The following CCDC63 variants were observed in gnomAD, a reference collection of about 807,000 sequenced individuals.
CCDC63 encodes coiled-coil domain-containing protein 63.
CCDC63 carries 54 observed loss-of-function variants against 63.6 expected under a neutral mutation model. The observed-to-expected ratio is 0.85, with a 90% CI of 0.68 to 1.07. The LOEUF (loss-of-function observed/expected upper bound fraction) is 1.07. Among genes scored for constraint, CCDC63 ranks in the 50% least tolerant of loss-of-function variants. The pLI is 0.00. For missense variants in CCDC63, 637 were observed against 689.6 expected (o/e 0.92, Z 0.86); for synonymous variants, 253 against 266.1 (o/e 0.95, Z 0.48).
At chr12:110,905,461 A>C (rs1482202402) in intron 11 of CCDC63, among the ~76,000 whole-genome samples, 1 of 152,114 alleles carries the variant, frequency 6.6e-6, no homozygotes, top group Non-Finnish European at 1.5e-5. Context: ...CAGTTTGGCC[A>C]CATATATGGG....
At chr12:110,854,484 A>G (rs940280551) in intron 3 of CCDC63, among the ~76,000 whole-genome samples, 8 of 151,956 alleles carry the variant, frequency 5.3e-5, no homozygotes, top group Admixed American at 1.3e-4. Context: ...TAGTAGAGGC[A>G]AGATTTCACC....
At chr12:110,904,929 GC>G in intron 11 of CCDC63, 138 bp downstream of exon 11, 1 of 590,040 alleles carries the variant, frequency 1.7e-6, no homozygotes, top group Non-Finnish European at 2.8e-6. Context: ...CTTGTGGCCT[GC>G]CAGTTCCCTT....
intron 10 of CCDC63, among the ~76,000 whole-genome samples, chr12:110,901,397 T>A (rs2136746273): frequency 6.6e-6 from 1 of 152,220 alleles, no homozygotes; most frequent in East Asian, 1.9e-4. Flanking sequence ...TTATTTATTT[T>A]TATTTTTTTT....
chr12:110,893,514 C>T (rs2071382997), intron 9 of CCDC63, among the ~76,000 whole-genome samples: 1 of 152,172 alleles, frequency 6.6e-6, no homozygotes, highest in Non-Finnish European at 1.5e-5. Context: ...TGCCTGTGCC[C>T]TGTTCTCAAT....
chr12:110,854,960 G>A (rs2070752819), intron 3 of CCDC63, among the ~76,000 whole-genome samples: 1 of 151,970 alleles, frequency 6.6e-6, no homozygotes, highest in Admixed American at 6.6e-5. Flanking sequence ...CAGCACGCCT[G>A]GCTAATTTTT....
chr12:110,858,628 C>A lies in CCDC63; in HGVS notation c.222C>A (p.Thr74=). The change falls in exon 4 of 12, where the codon ACC becomes ACA. Residue 74 remains threonine (T), a synonymous_variant. Transcript: ENST00000308208. ...KTLKTEQDEI[T]LLLSLMKSSR... is the part of the protein sequence containing the mutation. ...TGAAGACAGAGCAGGATGAGATCAC[C>A]CTACTGTTGAGTCTCATGAAATCCT... 6.2e-7 allele frequency: 1 copy of A among 1,613,902 alleles called. No individual in the cohort carries two copies. Among genetic ancestry groups the A allele is most frequent in the Non-Finnish European group, 8.5e-7 (1 of 1,179,930 alleles).
chr12:110,890,777 T>TC (rs1421854444), intron 8 of CCDC63, among the ~76,000 whole-genome samples: 19 of 144,150 alleles, frequency 1.3e-4, no homozygotes, highest in South Asian at 6.8e-4. Context: ...CCTTTTCTTT[T>TC]TTTTTTTTTT....
chr12:110,863,275 T>TGA (rs1379943365), intron 4 of CCDC63, among the ~76,000 whole-genome samples: 1 of 151,596 alleles, frequency 6.6e-6, no homozygotes, highest in Non-Finnish European at 1.5e-5. Flanking sequence ...TGTGTGTGTG[T>TGA]GTGTGTGTGT....
chr12:110,904,663 A>G lies in CCDC63; in HGVS notation c.1418A>G (p.Glu473Gly). 6.2e-7 allele frequency: 1 copy of G among 1,614,140 alleles called. No homozygotes were observed. Residue 473 changes from glutamate to glycine, a missense_variant, in exon 11 of 12, where the codon GAG becomes GGG. By Grantham distance (98) the Glu-to-Gly change is moderately conservative. Coordinates refer to ENST00000308208, the MANE Select transcript of CCDC63 (RefSeq NM_152591.3). ...CGCATCCTGGAAGTGGAAGGGGCAG[A>G]GGCTGAGATCCCGCCACCCTTCATC... is the stretch of plus-strand genomic sequence containing the variant. The part of the protein sequence containing the change: ...YRRILEVEGA[E>G]AEIPPPFINP...
intron 2 of CCDC63, 69 bp downstream of exon 2, chr12:110,853,032 A>T: frequency 6.6e-7 from 1 of 1,516,906 alleles, no homozygotes; most frequent in Non-Finnish European, 9.2e-7. Flanking sequence ...TCCACTTTAC[A>T]CGTTAGCTCG....
At chr12:110,898,843 G>T in intron 9 of CCDC63, 90 bp from the exon 10 acceptor site, 1 of 975,540 alleles carries the variant, frequency 1.0e-6, no homozygotes, top group Non-Finnish European at 1.5e-6. Flanking sequence ...TTGAAAACCC[G>T]CAGTTTGGAG....
chr12:110,874,030 C>T, intron 5 of CCDC63, 69 bp downstream of exon 5: 1 of 1,548,730 alleles, frequency 6.5e-7, no homozygotes, highest in South Asian at 1.2e-5. Context: ...AAAATGATGT[C>T]TGCCCAGCCA....
chr12:110,904,147 G>C (rs1229188164), intron 10 of CCDC63, among the ~76,000 whole-genome samples: 1 of 152,078 alleles, frequency 6.6e-6, no homozygotes, highest in Non-Finnish European at 1.5e-5. Flanking sequence ...CTTGAGCCTA[G>C]GAGTTCAAGA....
chr12:110,880,059 G>A lies in CCDC63; in HGVS notation c.643G>A (p.Glu215Lys), dbSNP rs751485980. 3 of 1,613,992 alleles carry A rather than the reference G, an allele frequency of 1.9e-6. No individual in the cohort carries two copies. The highest frequency in any genetic ancestry group is 2.2e-5 in the South Asian group (2 of 91,068). Residue 215 changes from glutamate to lysine, a missense_variant, in exon 6 of 12, where the codon GAG becomes AAG. Physicochemically the swap from Glu to Lys is moderately conservative, Grantham distance 56 (BLOSUM62 1). Coordinates refer to ENST00000308208, the MANE Select transcript of CCDC63 (RefSeq NM_152591.3). ...GAAGAAAACCATGAACTTGGCCATTGAGCAATCTTCTCAGGCCTATGAGCA... is the reference window on the plus strand; with the variant it reads ...GAAGAAAACCATGAACTTGGCCATTAAGCAATCTTCTCAGGCCTATGAGCA... ...MEKKTMNLAIEQSSQAYEQRV... is the reference protein window; with the variant it reads ...MEKKTMNLAIKQSSQAYEQRV...
intron 11 of CCDC63, among the ~76,000 whole-genome samples, chr12:110,906,470 A>G (rs981598227): frequency 1.3e-5 from 2 of 151,962 alleles, no homozygotes; most frequent in Admixed American, 1.3e-4. Context: ...ATAATGTTGC[A>G]TTTCTAAGTT....
At position 110,852,851 on chromosome 12, in the gene CCDC63, A is replaced by G; in HGVS notation, c.-96-8A>G. The G allele has an allele frequency of 1.9e-6, 3 of 1,589,234 alleles. No homozygotes were observed. Among genetic ancestry groups the G allele is most frequent in the Non-Finnish European group, 2.6e-6 (3 of 1,157,654 alleles). ...TACAAGTTCTCTTCCTTTTGCCACC[A>G]TGAACAGGGCATTGCAGAGAGACAG... On this transcript the variant is annotated splice_region_variant and splice_polypyrimidine_tract_variant and intron_variant, in intron 1 of 11. Transcript: ENST00000308208.
At chr12:110,897,738 T>G (rs1196931586) in intron 9 of CCDC63, among the ~76,000 whole-genome samples, 2 of 150,334 alleles carry the variant, frequency 1.3e-5, no homozygotes, top group Non-Finnish European at 3.0e-5. Context: ...CCTTGTTTTT[T>G]TTTTTTTTTT....
chr12:110,895,693 G>A (rs1174531017), intron 9 of CCDC63, among the ~76,000 whole-genome samples: 1 of 152,112 alleles, frequency 6.6e-6, no homozygotes, highest in Non-Finnish European at 1.5e-5. Context: ...TGTAAAATGG[G>A]GATAATAATC....
chr12:110,859,398 C>T (rs2070822647), intron 4 of CCDC63, among the ~76,000 whole-genome samples: 1 of 151,954 alleles, frequency 6.6e-6, no homozygotes, highest in Middle Eastern at 3.2e-3. Context: ...CCTCTGCTTC[C>T]TGGGTTCAAG....
Sources: gnomAD v4.1 joint callset for allele counts (sites outside exome capture counted in the v4.1 genomes callset) on GRCh38, gnomAD v4.1.1 for gene constraint, MANE v1.5 for transcripts, NCBI Gene and HGNC (gene_info 2026-07-23, HGNC 2026-07-21) for gene names.